Variants in CDK14 observed in about 807,000 individuals in gnomAD.
The protein encoded by CDK14 is cyclin dependent kinase 14.
CDK14 carries 34 observed loss-of-function variants against 60.7 expected under a neutral mutation model. The observed-to-expected ratio is 0.56, with a 90% CI of 0.43 to 0.75. The LOEUF (loss-of-function observed/expected upper bound fraction) is 0.75, where lower values mean the gene tolerates loss of function less well. Among genes scored for constraint, CDK14 ranks in the 30% least tolerant of loss-of-function variants. CDK14 has a pLI of 0.00. For synonymous variants in CDK14, 197 were observed against 203.7 expected, an observed-to-expected ratio of 0.97 and a Z score of 0.28; for missense variants, 482 against 564.1, an observed-to-expected ratio of 0.85 and a Z score of 1.47.
intron 7 of CDK14, among the ~76,000 whole-genome samples, chr7:90,901,458 T>C (rs1792502295): frequency 6.6e-6 from 1 of 152,142 alleles, no homozygotes; most frequent in African/African-American, 2.4e-5. Context: ...GATTTACCTC[T>C]TCTTATTTTT....
At chr7:91,111,669 A>G (rs1247104716) in intron 12 of CDK14, among the ~76,000 whole-genome samples, 4 of 152,182 alleles carry the variant, frequency 2.6e-5, no homozygotes, top group Non-Finnish European at 5.9e-5. Flanking sequence ...TTCTCAGACT[A>G]TAATAAATAC....
At chr7:91,019,116 T>C (rs1796375518) in intron 10 of CDK14, among the ~76,000 whole-genome samples, 1 of 152,202 alleles carries the variant, frequency 6.6e-6, no homozygotes, top group South Asian at 2.1e-4. Flanking sequence ...AAAGAGAGTT[T>C]TTAGCAGACA....
chr7:90,833,784 G>A (rs920460844), intron 5 of CDK14, among the ~76,000 whole-genome samples: 7 of 152,122 alleles, frequency 4.6e-5, no homozygotes, highest in Non-Finnish European at 1.0e-4. Context: ...TACTTTCGAA[G>A]CTGGCAAGAT....
At chr7:91,173,468 A>C (rs1011686338) in intron 14 of CDK14, among the ~76,000 whole-genome samples, 2 of 151,622 alleles carry the variant, frequency 1.3e-5, no homozygotes, top group African/African-American at 2.4e-5. Context: ...ATGGCCGAAT[A>C]GGAACAGCTC....
chr7:90,958,577 G>C (rs1043587868), intron 9 of CDK14, among the ~76,000 whole-genome samples: 3 of 152,010 alleles, frequency 2.0e-5, no homozygotes, highest in Non-Finnish European at 4.4e-5. Flanking sequence ...AGGGATTTGG[G>C]TAAAATAGAT....
Position 90,717,132 on chromosome 7 carries a change from G to A in CDK14, c.124-9435G>A, listed in dbSNP as rs372116549. On this transcript the variant is annotated intron_variant, in intron 2 of 14. Coordinates refer to ENST00000380050, the MANE Select transcript of CDK14 (RefSeq NM_001287135.2). Reference sequence around the variant, plus strand: ...CTATGAGTGCTCATTAAAACCTTACGTTAAATTTATCATTATGATTTGGAC... The same window carrying A: ...CTATGAGTGCTCATTAAAACCTTACATTAAATTTATCATTATGATTTGGAC... 1.2e-4 allele frequency among the ~76,000 whole-genome samples: 18 copies of A among 152,008 alleles called. No individual in the cohort carries two copies. The East Asian group carries it at 1.4e-3, about 11-fold the overall frequency.
intron 2 of CDK14, among the ~76,000 whole-genome samples, chr7:90,724,677 A>G (rs544024745): frequency 3.3e-5 from 5 of 152,008 alleles, no homozygotes; most frequent in African/African-American, 9.6e-5. Flanking sequence ...GCCTTTCTCT[A>G]TTAATTTAGT....
chr7:90,721,127 A>T (rs1802435545), intron 2 of CDK14, among the ~76,000 whole-genome samples: 1 of 152,112 alleles, frequency 6.6e-6, no homozygotes, highest in Admixed American at 6.6e-5. Flanking sequence ...AGCCTGTTGC[A>T]TTACATCCAC....
At chr7:90,857,700 C>G (rs1790870482) in intron 5 of CDK14, among the ~76,000 whole-genome samples, 1 of 152,160 alleles carries the variant, frequency 6.6e-6, no homozygotes, top group South Asian at 2.1e-4. Flanking sequence ...TTTGACAGTG[C>G]TTGTCTTGAT....
At chr7:90,871,276 AT>A (rs966190605) in intron 6 of CDK14, among the ~76,000 whole-genome samples, 2 of 152,190 alleles carry the variant, frequency 1.3e-5, no homozygotes, top group African/African-American at 4.8e-5. Context: ...GTAAAACGGT[AT>A]ATTTGGTTTT....
At chr7:91,141,827 C>T (rs111906636) in intron 14 of CDK14, among the ~76,000 whole-genome samples, 8 of 118,590 alleles carry the variant, frequency 6.7e-5, no homozygotes, top group Non-Finnish European at 1.3e-4. Flanking sequence ...GTTGTTGTTG[C>T]TGTTGTTCTT....
chr7:90,966,701 G>A (rs1794761339), intron 9 of CDK14, among the ~76,000 whole-genome samples: 1 of 152,138 alleles, frequency 6.6e-6, no homozygotes, highest in African/African-American at 2.4e-5. Flanking sequence ...GATAGTCAGA[G>A]AAGACCTATG....
rs771849528 is a variant in CDK14 at position 90,756,958 on chromosome 7, A to G, written c.464+9183A>G. ...TGGATTTTACCATAAGCTTCATTGT[A>G]TTAGTTTGCTAGGGCTTGAAATAAC... On this transcript the variant is annotated intron_variant, in intron 4 of 14. Coordinates refer to ENST00000380050, the MANE Select transcript of CDK14 (RefSeq NM_001287135.2). 2.0e-4 allele frequency among the ~76,000 whole-genome samples: 31 copies of G among 152,288 alleles called. No homozygotes were observed. In the South Asian group the frequency reaches 2.1e-3, roughly 10 times the overall value.
chr7:90,942,086 A>G (rs961613338), intron 8 of CDK14, among the ~76,000 whole-genome samples: 2 of 152,178 alleles, frequency 1.3e-5, no homozygotes, highest in African/African-American at 4.8e-5. Flanking sequence ...ACTTCTCTTC[A>G]AAGTGCTCTG....
At chr7:90,943,448 A>T (rs1480713166) in intron 8 of CDK14, among the ~76,000 whole-genome samples, 1 of 152,182 alleles carries the variant, frequency 6.6e-6, no homozygotes, top group Non-Finnish European at 1.5e-5. Context: ...AGGAGAAATT[A>T]ATTCTTGAGG....
In CDK14 at chr7:91,169,813, G is replaced by T. The variant is rs191647605; in HGVS notation, c.*29-37352G>T. On this transcript the variant is annotated intron_variant, in intron 14 of 14. Transcript: ENST00000380050. ...TATTCTTCAGGTAGAAAAGAATGGA[G>T]GGAGGCTTTAGGCATGACTACCGTC... 3.9e-3 allele frequency among the ~76,000 whole-genome samples: 600 copies of T among 152,290 alleles called. 2 individuals carry two copies. The highest frequency in any genetic ancestry group is 6.8e-3 in the Non-Finnish European group (462 of 68,022).
chr7:91,127,611 A>G (rs982336598), intron 14 of CDK14, among the ~76,000 whole-genome samples: 1 of 152,170 alleles, frequency 6.6e-6, no homozygotes, highest in Non-Finnish European at 1.5e-5. Flanking sequence ...GAAAAAATGT[A>G]TGTACATTTT....
At chr7:90,640,270 C>T (rs1198281622) in intron 2 of CDK14, among the ~76,000 whole-genome samples, 2 of 152,088 alleles carry the variant, frequency 1.3e-5, no homozygotes, top group African/African-American at 2.4e-5. Context: ...TGGCTCCTCC[C>T]TCTCTTCCTT....
At position 90,940,785 on chromosome 7, in the gene CDK14, C is replaced by CA. The variant is rs796301190; in HGVS notation, c.827-14901dup. Among the ~76,000 whole-genome samples, 788 of 137,876 alleles carry CA rather than the reference C, an allele frequency of 5.7e-3. 3 individuals carry two copies. Among genetic ancestry groups the CA allele is most frequent in the South Asian group, 8.5e-3 (37 of 4,360 alleles). The allele number at this position is 137,876 out of a possible 152,430, so 90.5% of individuals were successfully genotyped here. ...TGGGTGACAGAACCAGACCTTGTCTCAAAAAAAAAAAGTGTATATCTATCT... is the reference window on the plus strand; with the variant it reads ...TGGGTGACAGAACCAGACCTTGTCTCAAAAAAAAAAAAGTGTATATCTATCT... On this transcript the variant is annotated intron_variant, in intron 8 of 14. Transcript: ENST00000380050.
Sources: allele counts gnomAD v4.1 joint callset (sites outside exome capture counted in the v4.1 genomes callset), GRCh38; gene constraint gnomAD v4.1.1; transcripts MANE v1.5; gene names NCBI Gene and HGNC (gene_info 2026-07-23, HGNC 2026-07-21).